NRXN1: variants seen among roughly 807,000 people sequenced by gnomAD.
NRXN1 encodes the protein neurexin-1.
Under a neutral mutation model 150.9 loss-of-function variants are expected in NRXN1, and 39 were observed. The observed-to-expected ratio is 0.26, with a 90% CI of 0.20 to 0.34. The LOEUF is 0.34. Ranked by LOEUF, NRXN1 falls within the 10% of genes least tolerant of loss-of-function variation. NRXN1 has a pLI of 1.00. For missense variants in NRXN1, 1,815 were observed against 1,949.9 expected (o/e 0.93, Z 1.30); for synonymous variants, 924 against 757.0 (o/e 1.22, Z -3.62).
In NRXN1 at chr2:50,505,787, T is replaced by A. The variant is rs1014177132; in HGVS notation, c.2497+708A>T. Among the ~76,000 whole-genome samples the A allele has an allele frequency of 2.6e-5, 4 of 152,156 alleles. No individual in the cohort carries two copies. The South Asian group carries it at 6.2e-4, about 24-fold the overall frequency. ...CCACTGTACAAGGACCATTTTGTGCTTTTTACCAGAATAATTAACATGGCT... is the reference window on the plus strand; with the variant it reads ...CCACTGTACAAGGACCATTTTGTGCATTTTACCAGAATAATTAACATGGCT... On this transcript the variant is annotated intron_variant, in intron 13 of 22. Coordinates refer to ENST00000401669, the MANE Select transcript of NRXN1 (RefSeq NM_001330078.2).
intron 21 of NRXN1, among the ~76,000 whole-genome samples, chr2:49,971,445 T>C (rs1443748350): frequency 1.3e-5 from 2 of 152,200 alleles, no homozygotes; most frequent in East Asian, 3.8e-4. Flanking sequence ...CCAAATGTTA[T>C]TGTAACCAGA....
chr2:50,297,352 G>A (rs561288178), intron 17 of NRXN1, among the ~76,000 whole-genome samples: 5 of 152,328 alleles, frequency 3.3e-5, no homozygotes, highest in Non-Finnish European at 5.9e-5. Context: ...CAAATAAGAA[G>A]TAGTGCTCAT....
intron 17 of NRXN1, among the ~76,000 whole-genome samples, chr2:50,460,117 T>C (rs1421036501): frequency 1.3e-5 from 2 of 152,130 alleles, no homozygotes; most frequent in Non-Finnish European, 2.9e-5. Flanking sequence ...TCTGGTTAGC[T>C]GGGCTCTGGT....
At position 50,520,972 on chromosome 2, in the gene NRXN1, A is replaced by G. The variant is rs552464768; in HGVS notation, c.2374+7653T>C. 8.7e-4 allele frequency among the ~76,000 whole-genome samples: 132 copies of G among 152,144 alleles called. 1 individual carries two copies. The highest frequency in any genetic ancestry group is 1.2e-3 in the South Asian group (6 of 4,830). On this transcript the variant is annotated intron_variant, in intron 12 of 22. Coordinates refer to ENST00000401669, the MANE Select transcript of NRXN1 (RefSeq NM_001330078.2). ...CATTACAGTATGTTTGTTCTATAAT[A>G]TTTTGGTTTTAATTTTTACATGCAT...
In NRXN1 at chr2:49,921,999, C is replaced by T; in HGVS notation, c.4469G>A (p.Ser1490Asn). ...GAVVKEKQPS[S>N]AKSSNKNKKN... is the part of the protein sequence containing the mutation. ...CTTATTTTTGTTGGAGCTTTTCGCA[C>T]TGCTGGGTTGTTTCTCCTTTACAAC... Residue 1490 changes from serine to asparagine, a missense_variant, in exon 23 of 23, where the codon AGT (serine) becomes AAT (asparagine). Physicochemically the swap from Ser to Asn is conservative, Grantham distance 46. Around this residue, in one of 6 missense-constraint regions of NRXN1, gnomAD observed 265 missense variants for 307.1 expected, o/e 0.86. Coordinates refer to ENST00000401669, the MANE Select transcript of NRXN1 (RefSeq NM_001330078.2). 2.5e-6 allele frequency: 4 copies of T among 1,614,164 alleles called. No individual in the cohort carries two copies. Among genetic ancestry groups the T allele is most frequent in the Non-Finnish European group, 3.4e-6 (4 of 1,180,030 alleles).
chr2:50,467,524 A>T (rs996107470), intron 16 of NRXN1, among the ~76,000 whole-genome samples: 1 of 151,490 alleles, frequency 6.6e-6, no homozygotes, highest in African/African-American at 2.4e-5. Context: ...GCTTCTAAAC[A>T]TGTACCTTAC....
At chr2:50,910,656 T>C (rs1474599238) in intron 5 of NRXN1, among the ~76,000 whole-genome samples, 1 of 151,892 alleles carries the variant, frequency 6.6e-6, no homozygotes, top group South Asian at 2.1e-4. Context: ...GACTGACCAA[T>C]AATAAATGCA....
chr2:50,939,380 G>A lies in NRXN1; in HGVS notation c.773-13425C>T, dbSNP rs193124756. Among the ~76,000 whole-genome samples the A allele has an allele frequency of 7.1e-4, 108 of 151,766 alleles. 1 individual carries two copies. The highest frequency in any genetic ancestry group is 2.5e-3 in the African/African-American group (105 of 41,412). On this transcript the variant is annotated intron_variant, in intron 2 of 22. Transcript: ENST00000401669. ...TAAGTTAACAATGAAAACATTTTTA[G>A]TAAATTAAATAATTTTGTTTACAAT...
At chr2:50,530,930 G>C (rs2093084848) in intron 11 of NRXN1, among the ~76,000 whole-genome samples, 1 of 152,124 alleles carries the variant, frequency 6.6e-6, no homozygotes, top group Non-Finnish European at 1.5e-5. Flanking sequence ...AATTCAGCTT[G>C]AGGCAACCTC....
At chr2:50,372,437 C>T (rs111306533) in intron 17 of NRXN1, among the ~76,000 whole-genome samples, 1 of 152,118 alleles carries the variant, frequency 6.6e-6, no homozygotes, top group African/African-American at 2.4e-5. Flanking sequence ...TAGATAATCA[C>T]ATTTCAAACT....
intron 2 of NRXN1, among the ~76,000 whole-genome samples, chr2:50,952,514 G>A (rs1691559964): frequency 6.6e-6 from 1 of 151,844 alleles, no homozygotes; most frequent in East Asian, 1.9e-4. Context: ...TTAATAACTT[G>A]CTACATGGTA....
At chr2:50,027,620 T>C (rs914307696) in intron 21 of NRXN1, among the ~76,000 whole-genome samples, 1 of 152,128 alleles carries the variant, frequency 6.6e-6, no homozygotes. Context: ...TTTTATATTT[T>C]TTGTAGAGAC....
chr2:50,892,515 C>G (rs548013021), intron 5 of NRXN1, among the ~76,000 whole-genome samples: 1 of 152,152 alleles, frequency 6.6e-6, no homozygotes, highest in East Asian at 1.9e-4. Context: ...CTTACAGAGG[C>G]AGTAATACTC....
chr2:50,023,888 A>G (rs1255010546), intron 21 of NRXN1: 1 of 152,206 alleles, frequency 6.6e-6, no homozygotes, highest in African/African-American at 2.4e-5. Flanking sequence ...TGCCACCAAG[A>G]AAAATTAAAA....
intron 17 of NRXN1, among the ~76,000 whole-genome samples, chr2:50,311,156 CT>C (rs1274717456): frequency 6.6e-6 from 1 of 151,984 alleles, no homozygotes; most frequent in Non-Finnish European, 1.5e-5. Flanking sequence ...ATAATACATG[CT>C]TACAAAAGGA....
At chr2:50,713,554 T>C (rs1216518483) in intron 5 of NRXN1, among the ~76,000 whole-genome samples, 6 of 152,070 alleles carry the variant, frequency 3.9e-5, no homozygotes, top group South Asian at 2.1e-4. Context: ...AAAGTCAGCA[T>C]GGAGAGAGAA....
At chr2:50,631,490 T>A (rs1682314592) in intron 5 of NRXN1, 1 of 156,388 alleles carries the variant, frequency 6.4e-6, no homozygotes. Context: ...TGAGGAAAAG[T>A]CAGAATATAA....
chr2:50,762,112 T>C (rs1701867282), intron 5 of NRXN1, among the ~76,000 whole-genome samples: 1 of 94,098 alleles, frequency 1.1e-5, no homozygotes, highest in Non-Finnish European at 2.1e-5. Flanking sequence ...CATATATATA[T>C]ATATGTGTAT....
intron 21 of NRXN1, among the ~76,000 whole-genome samples, chr2:49,944,330 C>T (rs1672516884): frequency 6.6e-6 from 1 of 152,198 alleles, no homozygotes; most frequent in Non-Finnish European, 1.5e-5. Context: ...CAAGGAAATA[C>T]AATCCATTTA....
Sources: allele counts gnomAD v4.1 joint callset (sites outside exome capture counted in the v4.1 genomes callset), GRCh38; gene constraint gnomAD v4.1.1; regional missense constraint gnomAD v4.1.1; transcripts MANE v1.5; gene names NCBI Gene and HGNC (gene_info 2026-07-23, HGNC 2026-07-21).